Variants in DSP observed in about 807,000 individuals in gnomAD.
DSP encodes the protein 250/210 kDa paraneoplastic pemphigus antigen.
DSP carries 114 observed loss-of-function variants against 290.6 expected under a neutral mutation model. That is an observed-to-expected ratio of 0.39 (90% CI 0.34 to 0.46). DSP has a LOEUF of 0.46. DSP is among the 20% of genes least tolerant of loss of function. DSP has a pLI of 0.99. For missense variants in DSP, 3,230 were observed against 3,495.8 expected (o/e 0.92, Z 1.92); for synonymous variants, 1,311 against 1,316.4 (o/e 1.00, Z 0.09).
rs879254347 is a variant in DSP, at chr6:7,579,328, T to C, written c.3138T>C (p.Asp1046=). The C allele has an allele frequency of 1.2e-6, 2 of 1,614,116 alleles. No homozygotes were observed. Among genetic ancestry groups the C allele is most frequent in the Non-Finnish European group, 1.7e-6 (2 of 1,180,026 alleles). ...AAGAGGAGCTCAGACTGGCCCGAGATGCCAACTCGGAAAACTGTAATAAGA... is the reference window on the plus strand; with the variant it reads ...AAGAGGAGCTCAGACTGGCCCGAGACGCCAACTCGGAAAACTGTAATAAGA... ...VLEEELRLAR[D]ANSENCNKNK... Residue 1046 remains aspartate (D), a synonymous_variant, in exon 23 of 24, where the codon GAT becomes GAC. Transcript: ENST00000379802. This position sits in a 1 kb window ranked among gnomAD's most constrained non-coding sequence, Gnocchi z 4.1.
chr6:7,567,315 C>G, intron 8 of DSP, 39 bp from the exon 9 acceptor site: 4 of 1,549,730 alleles, frequency 2.6e-6, no homozygotes, highest in South Asian at 1.1e-5. Context: ...ATCTGTACAA[C>G]TGAGCTAGGC....
chr6:7,577,818 G>C lies in DSP; in HGVS notation c.2917G>C (p.Glu973Gln). The part of the protein sequence containing the change: ...LQLASYTSGL[E>Q]TLLNIPIKRT... Reference sequence around the variant, plus strand: ...GCTGGCCTCATACACCTCAGGACTGGAAACTCTGCTGAACATACCTATCAA... The same window carrying C: ...GCTGGCCTCATACACCTCAGGACTGCAAACTCTGCTGAACATACCTATCAA... Residue 973 changes from glutamate (E) to glutamine (Q), a missense_variant, in exon 21 of 24, where the codon GAA becomes CAA. This residue lies in a region of DSP where 1,714 missense variants were observed against 1,844.5 expected (regional missense o/e 0.93). Coordinates refer to ENST00000379802, the MANE Select transcript of DSP (RefSeq NM_004415.4). 6.2e-7 allele frequency: 1 copy of C among 1,614,194 alleles called. No individual in the cohort carries two copies. Among genetic ancestry groups the C allele is most frequent in the Non-Finnish European group, 8.5e-7 (1 of 1,180,036 alleles).
rs760502491 is a variant in DSP at position 7,563,737 on chromosome 6, G to A, written c.728G>A (p.Arg243His). The change falls in exon 6 of 24, where the codon CGC becomes CAC. Residue 243 changes from arginine to histidine, a missense_variant and splice_region_variant. Transcript: ENST00000379802. Reference sequence around the variant, plus strand: ...TACCTGCTTTTTGTTGTCTTCTAGCGCGAGAAATCTGCGATCTACCAGTTG... The same window carrying A: ...TACCTGCTTTTTGTTGTCTTCTAGCACGAGAAATCTGCGATCTACCAGTTG... ...WQLDKIKADL[R>H]EKSAIYQLEE... is the part of the protein sequence containing the mutation. 4.3e-6 allele frequency: 7 copies of A among 1,613,338 alleles called. No individual in the cohort carries two copies. The highest frequency in any genetic ancestry group is 5.1e-6 in the Non-Finnish European group (6 of 1,179,322).
chr6:7,543,354 A>G (rs1243952047), intron 1 of DSP, among the ~76,000 whole-genome samples: 3 of 112,668 alleles, frequency 2.7e-5, no homozygotes, highest in East Asian at 2.6e-4. Context: ...GCTTAGATTC[A>G]TTTATTTATT....
In DSP at chr6:7,586,232, A is replaced by G; in HGVS notation, c.*354A>G. The G allele has an allele frequency of 5.3e-6, 1 of 190,082 alleles. No individual in the cohort carries two copies. The highest frequency in any genetic ancestry group is 5.5e-5 in the Admixed American group (1 of 18,062). 11.8% of individuals were successfully genotyped at this position (190,082 alleles called of 1,614,324 possible). A position where few individuals can be genotyped will look rare whatever the true frequency, so the allele number is the denominator to read the frequency against. ...CAGTTTTCTATTCTTGGAGATAAAA[A>G]TTAAATGGATCACTGATATTTTAGT... On this transcript the variant is annotated 3_prime_UTR_variant, in exon 24 of 24. Transcript: ENST00000379802.
chr6:7,544,802 C>T (rs1450355875), intron 1 of DSP, among the ~76,000 whole-genome samples: 5 of 152,126 alleles, frequency 3.3e-5, no homozygotes, highest in Non-Finnish European at 5.9e-5. Context: ...CCCCGACCAC[C>T]TGCCTGTTCT....
chr6:7,570,387 A>C, intron 12 of DSP, 50 bp from the exon 13 acceptor site: 1 of 1,613,680 alleles, frequency 6.2e-7, no homozygotes, highest in East Asian at 2.2e-5. Flanking sequence ...CCCATTTGGG[A>C]TGAAGTGTGA....
At chr6:7,570,290 A>G (rs1260506613) in intron 12 of DSP, 147 bp from the exon 13 acceptor site, 21 of 1,176,630 alleles carry the variant, frequency 1.8e-5, no homozygotes, top group African/African-American at 1.7e-4. Context: ...CAAATCCATG[A>G]ACTGTTTTCA....
chr6:7,580,252 T>C lies in DSP; in HGVS notation c.4062T>C (p.Asn1354=), dbSNP rs989832188. ...ATGAACTGAGTAAGGTAAGAAACAA[T>C]TATGATGAGGAGATCATTAGCTTAA... ...YENELSKVRN[N]YDEEIISLKN... The change falls in exon 23 of 24, where the codon AAT becomes AAC. Residue 1354 remains asparagine (N), a synonymous_variant. Transcript: ENST00000379802. This position sits in a 1 kb window ranked among gnomAD's most constrained non-coding sequence, Gnocchi z 4.2. 6.2e-7 allele frequency: 1 copy of C among 1,613,660 alleles called. No homozygotes were observed. The highest frequency in any genetic ancestry group is 1.3e-5 in the African/African-American group (1 of 74,776).
chr6:7,542,678 C>T (rs979689494), intron 1 of DSP, among the ~76,000 whole-genome samples: 2 of 152,114 alleles, frequency 1.3e-5, no homozygotes, highest in Non-Finnish European at 2.9e-5. Flanking sequence ...CCCGAGGAGG[C>T]GCTTCGGCTT....
intron 1 of DSP, among the ~76,000 whole-genome samples, chr6:7,554,049 A>T (rs1408387219): frequency 6.8e-6 from 1 of 147,036 alleles, no homozygotes; most frequent in African/African-American, 2.5e-5. Flanking sequence ...TTTGTCAAAC[A>T]TTTTTTTTTA....
chr6:7,561,033 C>G (rs1758671581), intron 4 of DSP, among the ~76,000 whole-genome samples: 1 of 151,082 alleles, frequency 6.6e-6, no homozygotes, highest in Non-Finnish European at 1.5e-5. Context: ...CTCACTGCAA[C>G]CTCTATCTCC....
chr6:7,565,652 G>C lies in DSP; in HGVS notation c.939+132G>C. ...CAATTCAGCCTTCTTTGAAATGGTC[G>C]TGAAAAATCCTTCCTTCCTGAAAAC... On this transcript the variant is annotated intron_variant, in intron 7 of 23. Transcript: ENST00000379802. This position sits in a 1 kb window ranked among gnomAD's most constrained non-coding sequence, Gnocchi z 4.2. 3.2e-6 allele frequency: 4 copies of C among 1,250,150 alleles called. No homozygotes were observed. The highest frequency in any genetic ancestry group is 4.5e-6 in the Non-Finnish European group (4 of 883,788). 77.4% of individuals were successfully genotyped at this position (1,250,150 alleles called of 1,614,324 possible).
intron 7 of DSP, among the ~76,000 whole-genome samples, chr6:7,566,103 G>A (rs949732757): frequency 6.6e-6 from 1 of 152,220 alleles, no homozygotes; most frequent in African/African-American, 2.4e-5. Context: ...CTGCAGGAGG[G>A]TGGGTGGAAG....
At position 7,579,385 on chromosome 6, in the gene DSP, C is replaced by G. The variant is rs886039178; in HGVS notation, c.3195C>G (p.Tyr1065Ter). 6.2e-7 allele frequency: 1 copy of G among 1,614,112 alleles called. No individual in the cohort carries two copies. Among genetic ancestry groups the G allele is most frequent in the Non-Finnish European group, 8.5e-7 (1 of 1,180,034 alleles). ...TCCTGGATCAGAACCTGCAGAAATACCAGGCAGAGTGTTCCCAGTTCAAAG... is the reference window on the plus strand; with the variant it reads ...TCCTGGATCAGAACCTGCAGAAATAGCAGGCAGAGTGTTCCCAGTTCAAAG... Reference protein sequence around the residue: ...NKFLDQNLQKYQAECSQFKAK... With the variant: ...NKFLDQNLQK Residue 1065 changes from tyrosine (Y) to a stop codon, truncating the protein, a stop_gained, in exon 23 of 24, where the codon TAC (tyrosine) becomes TAG (stop). Coordinates refer to ENST00000379802, the MANE Select transcript of DSP (RefSeq NM_004415.4). LOFTEE classifies it high-confidence loss of function. This position sits in a 1 kb window ranked among gnomAD's most constrained non-coding sequence, Gnocchi z 4.1.
intron 1 of DSP, among the ~76,000 whole-genome samples, chr6:7,550,225 T>G (rs916090714): frequency 2.0e-5 from 3 of 149,164 alleles, no homozygotes; most frequent in Admixed American, 6.7e-5. Flanking sequence ...TTTGTTTTTG[T>G]TTTTTTTTCT....
intron 17 of DSP, 129 bp downstream of exon 17, chr6:7,574,924 G>C: frequency 1.6e-6 from 2 of 1,230,064 alleles, no homozygotes; most frequent in Admixed American, 3.7e-5. Flanking sequence ...CACACAGGTT[G>C]ACATCAGTTG....
In DSP at chr6:7,575,340, A is replaced by G. The variant is rs1338201926; in HGVS notation, c.2482A>G (p.Met828Val). ...CTTGAAGAAGTCGTTGTTGGCCACT[A>G]TGAAGACAGAACTACAGAAAGCCCA... ...LNLKKSLLAT[M>V]KTELQKAQQI... The change falls in exon 18 of 24, where the codon ATG becomes GTG. Residue 828 changes from methionine to valine, a missense_variant. This residue lies in a region of DSP where 1,714 missense variants were observed against 1,844.5 expected (regional missense o/e 0.93). Coordinates refer to ENST00000379802, the MANE Select transcript of DSP (RefSeq NM_004415.4). The G allele has an allele frequency of 5.0e-6, 8 of 1,613,922 alleles. No homozygotes were observed. The highest frequency in any genetic ancestry group is 3.3e-5 in the Admixed American group (2 of 59,976).
Position 7,567,439 on chromosome 6 carries a change from C to T in DSP, c.1130C>T (p.Ala377Val), listed in dbSNP as rs1253897050. 6.2e-7 allele frequency: 1 copy of T among 1,613,336 alleles called. No individual in the cohort carries two copies. The highest frequency in any genetic ancestry group is 1.1e-5 in the South Asian group (1 of 91,058). The part of the protein sequence containing the change: ...CIDVHLKENA[A>V]YFQFFEEAQS... ...GATGTTCATCTGAAAGAAAATGCTG[C>T]CTACTTTCAGGTTTTTATATTTAGT... The change falls in exon 9 of 24, where the codon GCC (alanine) becomes GTC (valine). Residue 377 changes from alanine (A) to valine (V), a missense_variant. Transcript: ENST00000379802.
Sources: gnomAD v4.1 joint callset for allele counts (sites outside exome capture counted in the v4.1 genomes callset) on GRCh38, gnomAD v4.1.1 for gene constraint, gnomAD v4.1.1 regional missense constraint, Gnocchi (gnomAD v3.1) non-coding constraint, MANE v1.5 for transcripts, NCBI Gene and HGNC (gene_info 2026-07-23, HGNC 2026-07-21) for gene names.